The following MB21D2 variants were observed in gnomAD, a reference collection of about 807,000 sequenced individuals.
MB21D2 encodes the protein nucleotidyltransferase MB21D2.
A neutral mutation model predicts 33.3 loss-of-function variants in MB21D2; 9 were observed. The ratio of observed to expected loss-of-function variants is 0.27; its 90% CI spans 0.16 to 0.47. The LOEUF is 0.47. MB21D2 is among the 20% of genes least tolerant of loss of function. The pLI, the probability that MB21D2 is intolerant of heterozygous loss-of-function variation, is 0.99. For synonymous variants in MB21D2, 241 were observed against 236.3 expected (o/e 1.02, Z -0.18); for missense variants, 540 against 624.6 (o/e 0.86, Z 1.44).
chr3:192,836,218 C>T (rs1010671018), intron 1 of MB21D2, among the ~76,000 whole-genome samples: 8 of 152,282 alleles, frequency 5.3e-5, no homozygotes, highest in African/African-American at 1.7e-4. Flanking sequence ...GAGCATGTTT[C>T]TGAAAAAGCA....
chr3:192,824,986 GTAGCTGTC>G (rs1222991928), intron 1 of MB21D2, among the ~76,000 whole-genome samples: 1 of 152,138 alleles, frequency 6.6e-6, no homozygotes, highest in African/African-American at 2.4e-5. Context: ...CATACCCCGA[GTAGCTGTC>G]CTTGATTATG....
At chr3:192,880,343 T>C (rs1273411770) in intron 1 of MB21D2, among the ~76,000 whole-genome samples, 2 of 151,768 alleles carry the variant, frequency 1.3e-5, no homozygotes, top group Non-Finnish European at 2.9e-5. Context: ...TGAGAATCCA[T>C]CTCAGAAAAA....
At chr3:192,823,955 GA>G (rs1712114566) in intron 1 of MB21D2, among the ~76,000 whole-genome samples, 1 of 152,130 alleles carries the variant, frequency 6.6e-6, no homozygotes, top group Non-Finnish European at 1.5e-5. Flanking sequence ...AAAAGACAGT[GA>G]AAATCACTGC....
At position 192,838,333 on chromosome 3, in the gene MB21D2, C is replaced by T. The variant is rs1712485064; in HGVS notation, c.212-38683G>A. On this transcript the variant is annotated intron_variant, in intron 1 of 1. Transcript: ENST00000392452. Reference sequence around the variant, plus strand: ...CTATAAAGTTGCACACTATCACTTCCACTTTTGTCCATGCATTAGAAGCAA... The same window carrying T: ...CTATAAAGTTGCACACTATCACTTCTACTTTTGTCCATGCATTAGAAGCAA... 3.3e-5 allele frequency among the ~76,000 whole-genome samples: 5 copies of T among 152,180 alleles called. No individual in the cohort carries two copies. The South Asian group carries it at 1.0e-3, about 31-fold the overall frequency.
chr3:192,892,471 A>C (rs939258553), intron 1 of MB21D2, among the ~76,000 whole-genome samples: 1 of 152,146 alleles, frequency 6.6e-6, no homozygotes, highest in African/African-American at 2.4e-5. Context: ...TTTATTTGGG[A>C]TAGAGTTTCG....
chr3:192,901,142 A>C (rs1045409720), intron 1 of MB21D2, among the ~76,000 whole-genome samples: 1 of 152,136 alleles, frequency 6.6e-6, no homozygotes, highest in Non-Finnish European at 1.5e-5. Context: ...GATGACACAG[A>C]GACATTAGGT....
At chr3:192,838,519 C>G (rs1372351694) in intron 1 of MB21D2, among the ~76,000 whole-genome samples, 1 of 151,772 alleles carries the variant, frequency 6.6e-6, no homozygotes, top group East Asian at 1.9e-4. Context: ...AACTCCGCCT[C>G]CCGGGTTCAC....
chr3:192,841,661 C>A (rs543404177), intron 1 of MB21D2, among the ~76,000 whole-genome samples: 131 of 152,334 alleles, frequency 8.6e-4, no homozygotes, highest in South Asian at 8.1e-3. Context: ...TGAGCCAGAG[C>A]CACCTGCTAA....
In MB21D2 at chr3:192,917,208, C is replaced by T. The variant is rs372403444; in HGVS notation, c.211+422G>A. Among the ~76,000 whole-genome samples, 6 of 152,154 alleles carry T rather than the reference C, an allele frequency of 3.9e-5. No homozygotes were observed. The East Asian group carries it at 5.8e-4, about 15-fold the overall frequency. ...TCCGCTCCCAAGCTCGGGAGAGCAC[C>T]CAAGAGCCGGCGTCGGGAAAGCGGA... On this transcript the variant is annotated intron_variant, in intron 1 of 1. Transcript: ENST00000392452.
At chr3:192,834,476 T>C (rs1055027720) in intron 1 of MB21D2, among the ~76,000 whole-genome samples, 12 of 150,922 alleles carry the variant, frequency 8.0e-5, no homozygotes, top group African/African-American at 2.9e-4. Flanking sequence ...CCAGATTTTC[T>C]CATCCCCATT....
At chr3:192,892,062 C>T (rs1330352439) in intron 1 of MB21D2, among the ~76,000 whole-genome samples, 1 of 151,460 alleles carries the variant, frequency 6.6e-6, no homozygotes, top group Non-Finnish European at 1.5e-5. Flanking sequence ...CAATTATTAG[C>T]CCAGATATTA....
chr3:192,916,098 TTATA>T (rs55749042), intron 1 of MB21D2, among the ~76,000 whole-genome samples: 8 of 139,172 alleles, frequency 5.7e-5, no homozygotes, highest in Admixed American at 7.1e-5. Context: ...CTACCAGGTT[TTATA>T]TATATATATA....
In MB21D2 at chr3:192,799,070, C is replaced by T; in HGVS notation, c.792G>A (p.Glu264=). The T allele has an allele frequency of 6.2e-7, 1 of 1,614,088 alleles. No homozygotes were observed. Among genetic ancestry groups the T allele is most frequent in the Non-Finnish European group, 8.5e-7 (1 of 1,179,984 alleles). ...ENHFWDGKIT[E]EEVISGFYLV... is the part of the protein sequence containing the mutation. ...AGTAAAACCCACTGATGACCTCTTC[C>T]TCAGTAATCTTCCCATCCCAAAAGT... The change falls in exon 2 of 2, where the codon GAG becomes GAA. Residue 264 remains glutamate, a synonymous_variant. Coordinates refer to ENST00000392452, the MANE Select transcript of MB21D2 (RefSeq NM_178496.4). The surrounding 1 kb of genome is among the most constrained non-coding windows in gnomAD (Gnocchi z 4.1).
intron 1 of MB21D2, among the ~76,000 whole-genome samples, chr3:192,834,269 A>G (rs1243105333): frequency 6.6e-6 from 1 of 151,626 alleles, no homozygotes; most frequent in Non-Finnish European, 1.5e-5. Flanking sequence ...GTGAGCCAAG[A>G]TCATGCCATT....
intron 1 of MB21D2, among the ~76,000 whole-genome samples, chr3:192,835,969 A>G (rs563645236): frequency 6.6e-6 from 1 of 152,268 alleles, no homozygotes; most frequent in South Asian, 2.1e-4. Context: ...GAGATGAAAA[A>G]AAGTCCCACC....
At chr3:192,856,215 G>C (rs1712913689) in intron 1 of MB21D2, among the ~76,000 whole-genome samples, 1 of 152,174 alleles carries the variant, frequency 6.6e-6, no homozygotes, top group Non-Finnish European at 1.5e-5. Flanking sequence ...TCTTATTAGA[G>C]GTCTGGTTTG....
chr3:192,871,793 G>A, intron 1 of MB21D2, among the ~76,000 whole-genome samples: 1 of 152,096 alleles, frequency 6.6e-6, no homozygotes, highest in East Asian at 1.9e-4. Flanking sequence ...GTGACATGAT[G>A]GGGATGACAG....
At chr3:192,840,550 G>C (rs1278160445) in intron 1 of MB21D2, among the ~76,000 whole-genome samples, 1 of 149,626 alleles carries the variant, frequency 6.7e-6, no homozygotes, top group Non-Finnish European at 1.5e-5. Flanking sequence ...AGAAAACTCA[G>C]AGACTGTTCG....
intron 1 of MB21D2, among the ~76,000 whole-genome samples, chr3:192,806,525 A>C (rs1270128636): frequency 3.3e-5 from 5 of 152,198 alleles, no homozygotes; most frequent in Admixed American, 3.3e-4. Flanking sequence ...ACTCACGAAA[A>C]GGCGTCACAA....
Sources: allele counts gnomAD v4.1 joint callset (sites outside exome capture counted in the v4.1 genomes callset), GRCh38; gene constraint gnomAD v4.1.1; non-coding constraint Gnocchi (gnomAD v3.1); transcripts MANE v1.5; gene names NCBI Gene and HGNC (gene_info 2026-07-23, HGNC 2026-07-21).